UMAD1: variants seen among roughly 807,000 people sequenced by gnomAD.
The protein encoded by UMAD1 is UBAP1-MVB12-associated (UMA)-domain containing protein 1.
UMAD1 carries 8 observed loss-of-function variants against 6.1 expected under a neutral mutation model. The ratio of observed to expected loss-of-function variants is 1.30; its 90% CI spans 0.76 to 2.35. The LOEUF is 2.35. UMAD1 is among the 30% of genes most tolerant of loss of function. The pLI, the probability that UMAD1 is intolerant of heterozygous loss-of-function variation, is 0.00. For missense variants in UMAD1, 130 were observed against 78.4 expected, an observed-to-expected ratio of 1.66 and a Z score of -2.49; for synonymous variants, 56 against 31.4, an observed-to-expected ratio of 1.78 and a Z score of -2.61.
At chr7:7,678,126 T>G (rs1779794725) in intron 2 of UMAD1, among the ~76,000 whole-genome samples, 1 of 90,964 alleles carries the variant, frequency 1.1e-5, no homozygotes, top group South Asian at 4.0e-4. Flanking sequence ...CTGTATCATA[T>G]AGTAGTTCTG....
chr7:7,840,806 C>A (rs1316799166), intron 3 of UMAD1, among the ~76,000 whole-genome samples: 1 of 152,090 alleles, frequency 6.6e-6, no homozygotes. Context: ...AAGGAAAGTT[C>A]CTAATAAAGT....
intron 2 of UMAD1, among the ~76,000 whole-genome samples, chr7:7,713,362 A>G (rs1563146505): frequency 6.6e-6 from 1 of 151,502 alleles, no homozygotes; most frequent in Non-Finnish European, 1.5e-5. Flanking sequence ...ACAAAACAAA[A>G]ACAAACAAAC....
intron 2 of UMAD1, among the ~76,000 whole-genome samples, chr7:7,691,504 T>C (rs946067110): frequency 6.6e-6 from 1 of 152,234 alleles, no homozygotes; most frequent in African/African-American, 2.4e-5. Context: ...CTTCAAGCCT[T>C]GCATGACATT....
chr7:7,828,857 T>G (rs1783402970), intron 3 of UMAD1, among the ~76,000 whole-genome samples: 1 of 152,194 alleles, frequency 6.6e-6, no homozygotes, highest in Non-Finnish European at 1.5e-5. Context: ...GGCCCAGGTC[T>G]TCTAGGTCTT....
At chr7:7,767,637 G>A (rs1050056324) in intron 2 of UMAD1, among the ~76,000 whole-genome samples, 5 of 152,204 alleles carry the variant, frequency 3.3e-5, no homozygotes, top group Admixed American at 3.3e-4. Context: ...AACAATAACC[G>A]TTACCACTCA....
intron 3 of UMAD1, among the ~76,000 whole-genome samples, chr7:7,839,571 A>G (rs1783636958): frequency 6.6e-6 from 1 of 152,148 alleles, no homozygotes; most frequent in Non-Finnish European, 1.5e-5. Context: ...GACAGGAGTA[A>G]AAGGGTTTCT....
intron 3 of UMAD1, among the ~76,000 whole-genome samples, chr7:7,848,149 T>A (rs1783846004): frequency 6.6e-6 from 1 of 152,198 alleles, no homozygotes; most frequent in Admixed American, 6.6e-5. Flanking sequence ...ATTAATCAAC[T>A]ACAGTATAAC....
chr7:7,763,293 G>A (rs888854289), intron 2 of UMAD1, among the ~76,000 whole-genome samples: 7 of 151,810 alleles, frequency 4.6e-5, no homozygotes, highest in Non-Finnish European at 1.0e-4. Flanking sequence ...AGATACAAGG[G>A]GTGCATGCGC....
chr7:7,844,978 CT>C (rs1783756936), intron 3 of UMAD1, among the ~76,000 whole-genome samples: 1 of 152,002 alleles, frequency 6.6e-6, no homozygotes, highest in South Asian at 2.1e-4. Context: ...CAAGGTAAAT[CT>C]TTTTTACGTA....
intron 1 of UMAD1, among the ~76,000 whole-genome samples, chr7:7,656,309 A>G (rs898378156): frequency 6.6e-6 from 1 of 151,194 alleles, no homozygotes. Flanking sequence ...CATGTATTTA[A>G]AAAAATTTTT....
chr7:7,775,901 GA>G (rs1782196010), intron 2 of UMAD1, among the ~76,000 whole-genome samples: 1 of 152,144 alleles, frequency 6.6e-6, no homozygotes, highest in Non-Finnish European at 1.5e-5. Context: ...GGTTGCCTGG[GA>G]ATGAGTGTAT....
At chr7:7,790,040 G>C (rs1225614302) in intron 2 of UMAD1, among the ~76,000 whole-genome samples, 1 of 152,170 alleles carries the variant, frequency 6.6e-6, no homozygotes, top group Non-Finnish European at 1.5e-5. Flanking sequence ...AATTGATGAA[G>C]GGAAGGAGGC....
At position 7,859,846 on chromosome 7, in the gene UMAD1, G is replaced by A. The variant is rs970678701; in HGVS notation, c.157-17435G>A. The stretch of plus-strand genomic sequence containing the variant: ...TAATCAACTTTTCTGTTGTTGATCT[G>A]AAAGCATTTTTTCACTAGACTGTAT... On this transcript the variant is annotated intron_variant, in intron 3 of 3. Coordinates refer to ENST00000682710, the MANE Select transcript of UMAD1 (RefSeq NM_001302348.2). Among the ~76,000 whole-genome samples the A allele has an allele frequency of 3.9e-5, 6 of 152,302 alleles. No homozygotes were observed. In the East Asian group the frequency reaches 1.2e-3, roughly 29 times the overall value.
chr7:7,738,004 C>T (rs761545540), intron 2 of UMAD1, among the ~76,000 whole-genome samples: 1 of 152,168 alleles, frequency 6.6e-6, no homozygotes. Context: ...AAACAGACAG[C>T]ATAACCTAGT....
At chr7:7,777,620 G>A (rs1282132166) in intron 2 of UMAD1, among the ~76,000 whole-genome samples, 1 of 107,496 alleles carries the variant, frequency 9.3e-6, no homozygotes, top group Non-Finnish European at 1.9e-5. Flanking sequence ...CCAGTATTTG[G>A]CTTTTTAACC....
At chr7:7,677,291 A>C (rs960481709) in intron 2 of UMAD1, among the ~76,000 whole-genome samples, 2 of 152,168 alleles carry the variant, frequency 1.3e-5, no homozygotes, top group African/African-American at 4.8e-5. Context: ...AATATACAAT[A>C]AATTATTGTT....
intron 3 of UMAD1, among the ~76,000 whole-genome samples, chr7:7,838,149 C>A (rs1168724785): frequency 4.6e-5 from 7 of 150,860 alleles, no homozygotes; most frequent in Non-Finnish European, 1.0e-4. Context: ...GATCAGCAAA[C>A]ATTTTCTGAA....
At chr7:7,825,749 G>A (rs1283824480) in intron 3 of UMAD1, among the ~76,000 whole-genome samples, 5 of 152,126 alleles carry the variant, frequency 3.3e-5, no homozygotes, top group East Asian at 1.9e-4. Context: ...GGAAAAAGGT[G>A]TTTGTGAAAA....
intron 2 of UMAD1, among the ~76,000 whole-genome samples, chr7:7,782,617 A>G (rs1239460235): frequency 6.6e-6 from 1 of 151,998 alleles, no homozygotes; most frequent in African/African-American, 2.4e-5. Context: ...AGTACCTGTA[A>G]ACTTGAACCA....
Sources: gnomAD v4.1 joint callset for allele counts (sites outside exome capture counted in the v4.1 genomes callset) on GRCh38, gnomAD v4.1.1 for gene constraint, MANE v1.5 for transcripts, NCBI Gene and HGNC (gene_info 2026-07-23, HGNC 2026-07-21) for gene names.